The following TULP2 variants were observed in gnomAD, a reference collection of about 807,000 sequenced individuals.
TULP2 encodes TUB like protein 2.
In TULP2, 64 loss-of-function variants were observed where a neutral mutation model predicts 60.3. The observed-to-expected ratio is 1.06, with a 90% confidence interval of 0.87 to 1.31. TULP2 has a LOEUF of 1.31. TULP2 is among the 50% of genes most tolerant of loss of function. TULP2 has a pLI of 0.00. For synonymous variants in TULP2, 267 were observed against 265.4 expected (o/e 1.01, Z -0.06); for missense variants, 652 against 667.0 (o/e 0.98, Z 0.25).
At chr19:48,888,778 C>T (rs1016439624) in intron 7 of TULP2, among the ~76,000 whole-genome samples, 2 of 151,866 alleles carry the variant, frequency 1.3e-5, no homozygotes. Flanking sequence ...TTCGCCACCA[C>T]GCCCAGCTAA....
Position 48,896,403 on chromosome 19 carries a change from C to G in TULP2, c.211+27G>C. 4 of 1,572,990 alleles carry G rather than the reference C, an allele frequency of 2.5e-6. 1 individual carries two copies. Among genetic ancestry groups the G allele is most frequent in the Middle Eastern group, 4.1e-4 (2 of 4,868 alleles). Reference sequence around the variant, plus strand: ...CTCCCACAGGCCCCTCCCCTCCAGGCGAACGCCCCCAGGGGTCTTTGGTCA... The same window carrying G: ...CTCCCACAGGCCCCTCCCCTCCAGGGGAACGCCCCCAGGGGTCTTTGGTCA... On this transcript the variant is annotated intron_variant, in intron 4 of 12. Transcript: ENST00000221399.
intron 6 of TULP2, among the ~76,000 whole-genome samples, chr19:48,894,783 T>C (rs971794258): frequency 3.3e-5 from 5 of 152,320 alleles, no homozygotes; most frequent in African/African-American, 1.2e-4. Context: ...GACTTTGGCG[T>C]CTGCGGATCT....
chr19:48,898,519 C>G (rs1417810557), intron 1 of TULP2, 71 bp downstream of exon 1: 1 of 152,060 alleles, frequency 6.6e-6, no homozygotes, highest in Admixed American at 6.6e-5. Flanking sequence ...GTTCTCCTCA[C>G]CAGGTGCCTG....
intron 9 of TULP2, 90 bp downstream of exon 9, chr19:48,885,358 G>T (rs1185533315): frequency 2.9e-6 from 3 of 1,046,106 alleles, no homozygotes; most frequent in African/African-American, 1.6e-5. Context: ...CAGGTGGAAG[G>T]TATGCTCTGT....
In TULP2 at chr19:48,888,257, T is replaced by G; in HGVS notation, c.641A>C (p.Glu214Ala). 6.3e-7 allele frequency: 1 copy of G among 1,587,024 alleles called. No individual in the cohort carries two copies. Among genetic ancestry groups the G allele is most frequent in the Non-Finnish European group, 8.6e-7 (1 of 1,162,152 alleles). Residue 214 changes from glutamate (E) to alanine (A), a missense_variant, in exon 8 of 13, where the codon GAA becomes GCA. By Grantham distance (107) the Glu-to-Ala change is moderately radical. Coordinates refer to ENST00000221399, the MANE Select transcript of TULP2 (RefSeq NM_003323.3). Reference protein sequence around the residue: ...VYENLAFQKEEDLEKKREASE... With the variant: ...VYENLAFQKEADLEKKREASE... Reference sequence around the variant, plus strand: ...GGCCTCTCTCTTCTTTTCCAAGTCTTCTTCCTAGCCCAGGCACCAAATTTA... The same window carrying G: ...GGCCTCTCTCTTCTTTTCCAAGTCTGCTTCCTAGCCCAGGCACCAAATTTA...
chr19:48,891,862 A>G (rs2037236389), intron 6 of TULP2, among the ~76,000 whole-genome samples: 1 of 152,126 alleles, frequency 6.6e-6, no homozygotes, highest in Admixed American at 6.6e-5. Context: ...TCAGCAGGAA[A>G]ACATGTGAAC....
chr19:48,881,164 C>G, intron 12 of TULP2, 38 bp from the exon 13 acceptor site: 2 of 1,231,174 alleles, frequency 1.6e-6, no homozygotes, highest in East Asian at 2.5e-5. Context: ...TAGCCTGACT[C>G]TCTCATCTCC....
chr19:48,889,362 GCACGCACA>G, intron 7 of TULP2, 140 bp downstream of exon 7: 1 of 1,316,724 alleles, frequency 7.6e-7, no homozygotes, highest in Non-Finnish European at 1.0e-6. Flanking sequence ...ACGCACGCAC[GCACGCACA>G]CACACAAGTC....
chr19:48,883,903 C>T (rs755662394), intron 10 of TULP2, 29 bp downstream of exon 10: 5 of 1,613,750 alleles, frequency 3.1e-6, no homozygotes, highest in Non-Finnish European at 3.4e-6. Flanking sequence ...GACTATCCTA[C>T]CCCATTCTCT....
At chr19:48,883,117 G>A (rs981492307) in intron 11 of TULP2, among the ~76,000 whole-genome samples, 1 of 151,984 alleles carries the variant, frequency 6.6e-6, no homozygotes, top group Admixed American at 6.6e-5. Flanking sequence ...TACTCAGGAG[G>A]CTGAGGCAGG....
chr19:48,888,993 T>A (rs556019785), intron 7 of TULP2, among the ~76,000 whole-genome samples: 1 of 150,616 alleles, frequency 6.6e-6, no homozygotes, highest in East Asian at 2.0e-4. Context: ...TGCACCTATT[T>A]TTTTTTTTTT....
intron 6 of TULP2, among the ~76,000 whole-genome samples, chr19:48,893,521 G>A (rs1053410849): frequency 6.6e-6 from 1 of 152,136 alleles, no homozygotes; most frequent in African/African-American, 2.4e-5. Context: ...AAATGGAAAA[G>A]GGGTGACTGC....
At chr19:48,885,613 G>A in intron 8 of TULP2, 53 bp from the exon 9 acceptor site, 1 of 1,546,206 alleles carries the variant, frequency 6.5e-7, no homozygotes, top group Non-Finnish European at 8.9e-7. Context: ...GCTGGGTGTG[G>A]TGGCTCATGC....
At chr19:48,886,911 A>C (rs116351197) in intron 8 of TULP2, among the ~76,000 whole-genome samples, 1,533 of 134,026 alleles carry the variant, frequency 0.011, 19 homozygotes, top group African/African-American at 0.04. Flanking sequence ...ACAGGGTTCC[A>C]CCTTGCTGCC....
chr19:48,885,007 T>A (rs1269072844), intron 9 of TULP2, among the ~76,000 whole-genome samples: 2 of 149,130 alleles, frequency 1.3e-5, no homozygotes, highest in Non-Finnish European at 3.0e-5. Context: ...ATCAAGTGAT[T>A]CTCCTGCATC....
At chr19:48,898,552 C>T (rs1191910987) in intron 1 of TULP2, 38 bp downstream of exon 1, 5 of 151,788 alleles carry the variant, frequency 3.3e-5, no homozygotes, top group Non-Finnish European at 5.9e-5. Flanking sequence ...ACATTGATGC[C>T]TCGGTACCTT....
chr19:48,885,404 C>T (rs1282387746), intron 9 of TULP2, 44 bp downstream of exon 9: 2 of 1,549,390 alleles, frequency 1.3e-6, no homozygotes, highest in Admixed American at 1.7e-5. Context: ...TGTCCCTAAG[C>T]TCCCTGCTAC....
chr19:48,881,196 TTTTTTTTTTTTTTTC>T (rs373073869), intron 12 of TULP2, 70 bp from the exon 13 acceptor site: 61,543 of 548,452 alleles, frequency 0.11, 3,530 homozygotes, highest in African/African-American at 0.44. Context: ...ACTGAGACTT[TTTTTTTTTTTTTTTC>T]TTTTTTTTTT....
chr19:48,896,329 T>G, intron 4 of TULP2, 101 bp downstream of exon 4: 1 of 1,428,042 alleles, frequency 7.0e-7, no homozygotes, highest in South Asian at 1.5e-5. Context: ...CACTGCCAAG[T>G]CCCCACCCTA....
Sources: gnomAD v4.1 joint callset for allele counts (sites outside exome capture counted in the v4.1 genomes callset) on GRCh38, gnomAD v4.1.1 for gene constraint, MANE v1.5 for transcripts, NCBI Gene and HGNC (gene_info 2026-07-23, HGNC 2026-07-21) for gene names.